The following YIF1B variants were observed in gnomAD, a reference collection of about 807,000 sequenced individuals.
YIF1B encodes protein YIF1B.
Under a neutral mutation model 34.6 loss-of-function variants are expected in YIF1B, and 24 were observed. The observed-to-expected ratio is 0.69, with a 90% confidence interval of 0.50 to 0.98. The LOEUF is 0.98. Among genes scored for constraint, YIF1B ranks in the 50% least tolerant of loss-of-function variants. YIF1B has a pLI of 0.00. For synonymous variants in YIF1B, 186 were observed against 184.8 expected (o/e 1.01, Z -0.05); for missense variants, 368 against 429.4 (o/e 0.86, Z 1.26).
At position 38,304,834 on chromosome 19, in the gene YIF1B, C is replaced by G. The variant is rs774696855; in HGVS notation, c.*518G>C. 1.9e-6 allele frequency: 3 copies of G among 1,613,564 alleles called. No individual in the cohort carries two copies. The highest frequency in any genetic ancestry group is 2.5e-6 in the Non-Finnish European group (3 of 1,179,982). The stretch of plus-strand genomic sequence containing the variant: ...ATCTCTTCTCTCCCATCCCTGCCCT[C>G]GGCCCCACAGTCCCACGCTGCTGGC... On this transcript the variant is annotated 3_prime_UTR_variant, in exon 8 of 8. Transcript: ENST00000339413.
chr19:38,309,553 T>TA lies in YIF1B; in HGVS notation c.148dup (p.Tyr50LeufsTer26). ...GCCACCAGGTGCCCGCTGGGCCCCA[T>TA]AGCCCCGGCTCTGGGCTGAACTTGT... On this transcript the variant is annotated frameshift_variant, in exon 2 of 8. Transcript: ENST00000339413. LOFTEE classifies it high-confidence loss of function. 1 of 1,601,642 alleles carries TA rather than the reference T, an allele frequency of 6.2e-7. No individual in the cohort carries two copies. The highest frequency in any genetic ancestry group is 8.5e-7 in the Non-Finnish European group (1 of 1,174,580).
chr19:38,307,383 C>T (rs762382956), intron 7 of YIF1B, 45 bp downstream of exon 7: 32 of 1,600,472 alleles, frequency 2.0e-5, no homozygotes, highest in Non-Finnish European at 2.6e-5. Context: ...TGGATGCCTC[C>T]GGGGCACCTG....
chr19:38,305,480 C>T lies in YIF1B; in HGVS notation c.817G>A (p.Ala273Thr). The part of the protein sequence containing the change: ...MIRTLRLKIL[A>T]DAAAEGVPVR... ...GGGACCCCCTCAGCTGCTGCGTCTGCCAAGATCTTCAGCCGCAGCGTCCGG... is the reference window on the plus strand; with the variant it reads ...GGGACCCCCTCAGCTGCTGCGTCTGTCAAGATCTTCAGCCGCAGCGTCCGG... The change falls in exon 8 of 8, where the codon GCA becomes ACA. Residue 273 changes from alanine to threonine, a missense_variant. Ala to Thr is a moderately conservative substitution (Grantham distance 58). This residue lies in a region of YIF1B where 208 missense variants were observed against 247.8 expected (regional missense o/e 0.84). Transcript: ENST00000339413. The T allele has an allele frequency of 1.2e-6, 2 of 1,606,382 alleles. No homozygotes were observed. Among genetic ancestry groups the T allele is most frequent in the Non-Finnish European group, 1.7e-6 (2 of 1,175,040 alleles).
rs564705275 is a variant in YIF1B at position 38,308,791 on chromosome 19, C to A, written c.539+1G>T. On this transcript the variant is annotated splice_donor_variant, in intron 5 of 7. Transcript: ENST00000339413. LOFTEE classifies it high-confidence loss of function. ...TTCGGCCTGCCCCAGGCCTCCCTTACCTATCCTGGGTCCCCAGCGCAAGAC... is the reference window on the plus strand; with the variant it reads ...TTCGGCCTGCCCCAGGCCTCCCTTAACTATCCTGGGTCCCCAGCGCAAGAC... 6.2e-7 allele frequency: 1 copy of A among 1,613,806 alleles called. No homozygotes were observed. Among genetic ancestry groups the A allele is most frequent in the South Asian group, 1.1e-5 (1 of 91,094 alleles).
chr19:38,311,705 C>T (rs1242021290), intron 1 of YIF1B, among the ~76,000 whole-genome samples: 20 of 152,056 alleles, frequency 1.3e-4, no homozygotes, highest in Admixed American at 1.3e-3. Context: ...CCATGGCAGA[C>T]AGGACTGGGG....
At chr19:38,319,867 A>C (rs1275608674), upstream of YIF1B, 3 of 1,273,374 alleles carry the variant, frequency 2.4e-6, no homozygotes, top group Non-Finnish European at 3.0e-6. Context: ...GCACTCCCGG[A>C]ACTGGAACTA....
intron 1 of YIF1B, among the ~76,000 whole-genome samples, chr19:38,310,688 C>T (rs1226666898): frequency 6.6e-6 from 1 of 152,148 alleles, no homozygotes; most frequent in African/African-American, 2.4e-5. Flanking sequence ...TGACTTGGCT[C>T]CAGCCACCTG....
chr19:38,305,587 C>G, intron 7 of YIF1B, 80 bp from the exon 8 acceptor site: 2 of 1,479,022 alleles, frequency 1.4e-6, no homozygotes, highest in Non-Finnish European at 1.8e-6. Context: ...GACATACTTC[C>G]AGCCTCTGCC....
At position 38,304,459 on chromosome 19, in the gene YIF1B, G is replaced by A. The variant is rs1248112388; in HGVS notation, c.*893C>T. ...CTCAGTCCCCACAAAGTTCAGGGCC[G>A]GTCGGAGGCAGGGGCAGGTCCGGGT... is the stretch of plus-strand genomic sequence containing the variant. On this transcript the variant is annotated 3_prime_UTR_variant, in exon 8 of 8. Transcript: ENST00000339413. 4 of 1,556,190 alleles carry A rather than the reference G, an allele frequency of 2.6e-6. No individual in the cohort carries two copies. Among genetic ancestry groups the A allele is most frequent in the African/African-American group, 1.4e-5 (1 of 73,546 alleles).
Position 38,304,576 on chromosome 19 carries a change from C to A in YIF1B, c.*776G>T, listed in dbSNP as rs921275120. The stretch of plus-strand genomic sequence containing the variant: ...GGGTCCTGCCTTAGGCCTCCAACTT[C>A]AGGGGGCTGGGTAAGGGGCGCCGCC... On this transcript the variant is annotated 3_prime_UTR_variant, in exon 8 of 8. Transcript: ENST00000339413. 1.6e-5 allele frequency: 26 copies of A among 1,610,498 alleles called. No homozygotes were observed. The highest frequency in any genetic ancestry group is 2.1e-5 in the Non-Finnish European group (25 of 1,178,794).
intron 1 of YIF1B, among the ~76,000 whole-genome samples, chr19:38,311,987 C>T (rs939324806): frequency 4.6e-5 from 7 of 151,542 alleles, no homozygotes; most frequent in Non-Finnish European, 1.0e-4. Context: ...ATCCCAGCTA[C>T]TCCGGAGGCT....
Position 38,304,609 on chromosome 19 carries a change from C to T in YIF1B, c.*743G>A, listed in dbSNP as rs758653500. The T allele has an allele frequency of 4.3e-6, 7 of 1,613,272 alleles. No individual in the cohort carries two copies. The South Asian group carries it at 6.6e-5, about 15-fold the overall frequency. ...TGGGTAAGGGGCGCCGCCTCACTGC[C>T]GCACCTCCATCCAGCAAGGACACCA... On this transcript the variant is annotated 3_prime_UTR_variant, in exon 8 of 8. Transcript: ENST00000339413.
upstream of YIF1B, among the ~76,000 whole-genome samples, chr19:38,319,115 GCTGT>G (rs1969615285): frequency 6.6e-6 from 1 of 151,828 alleles, no homozygotes. Context: ...ACCACTCTGG[GCTGT>G]CTTTTTTCTT....
chr19:38,304,207 C>T lies in YIF1B; in HGVS notation c.*1145G>A. The T allele has an allele frequency of 6.2e-7, 1 of 1,608,060 alleles. No individual in the cohort carries two copies. The highest frequency in any genetic ancestry group is 2.2e-5 in the East Asian group (1 of 44,822). On this transcript the variant is annotated 3_prime_UTR_variant, in exon 8 of 8. Transcript: ENST00000339413. The stretch of plus-strand genomic sequence containing the variant: ...TCTCAGCGCTCCTCCCCCTGCTCCG[C>T]TCCTCTGCAGGGCCCAGGCGCCCTT...
At chr19:38,317,957 A>C (rs931912007), upstream of YIF1B, among the ~76,000 whole-genome samples, 1 of 150,578 alleles carries the variant, frequency 6.6e-6, no homozygotes, top group African/African-American at 2.4e-5. Flanking sequence ...GCACTTTGGG[A>C]GGCCAAGGCG....
At chr19:38,320,485 GAAACACC>G (rs1233284765), upstream of YIF1B, among the ~76,000 whole-genome samples, 4 of 151,930 alleles carry the variant, frequency 2.6e-5, no homozygotes, top group Non-Finnish European at 5.9e-5. Context: ...TCCTAAGTAG[GAAACACC>G]CAGCTCCCCT....
chr19:38,303,779 G>A lies in YIF1B; in HGVS notation c.*1573C>T, dbSNP rs1968862461. On this transcript the variant is annotated 3_prime_UTR_variant, in exon 8 of 8. Transcript: ENST00000339413. The stretch of plus-strand genomic sequence containing the variant: ...CAGCTGGCATCTAGTGCAGCAGGCT[G>A]GCTCCAAGTCTATGCCCCTCACCCC... Among the ~76,000 whole-genome samples, 1 of 152,222 alleles carries A rather than the reference G, an allele frequency of 6.6e-6. No individual in the cohort carries two copies. Among genetic ancestry groups the A allele is most frequent in the South Asian group, 2.1e-4 (1 of 4,836 alleles).
At chr19:38,309,749 G>A (rs1600391953) in intron 1 of YIF1B, 106 bp from the exon 2 acceptor site, 35 of 1,472,444 alleles carry the variant, frequency 2.4e-5, no homozygotes, top group Non-Finnish European at 3.1e-5. Context: ...AGAGGAGGGT[G>A]GTGTCACCAT....
chr19:38,313,874 C>G (rs1480555229), intron 1 of YIF1B, among the ~76,000 whole-genome samples: 1 of 152,268 alleles, frequency 6.6e-6, no homozygotes, highest in Non-Finnish European at 1.5e-5. Flanking sequence ...CTTCCTCACT[C>G]CTCCCTGTAA....
Sources: allele counts gnomAD v4.1 joint callset (sites outside exome capture counted in the v4.1 genomes callset), GRCh38; gene constraint gnomAD v4.1.1; regional missense constraint gnomAD v4.1.1; transcripts MANE v1.5; gene names NCBI Gene and HGNC (gene_info 2026-07-23, HGNC 2026-07-21).